The following SMC5 variants were observed in gnomAD, a reference collection of about 807,000 sequenced individuals.
The protein encoded by SMC5 is structural maintenance of chromosomes 5, also known as structural maintenance of chromosomes protein 5.
SMC5 carries 88 observed loss-of-function variants against 148.3 expected under a neutral mutation model. That is an observed-to-expected ratio of 0.59 (90% CI 0.50 to 0.71). The LOEUF (loss-of-function observed/expected upper bound fraction) is 0.71. Among genes scored for constraint, SMC5 ranks in the 30% least tolerant of loss-of-function variants. The pLI is 0.00. For synonymous variants in SMC5, 421 were observed against 432.8 expected (o/e 0.97, Z 0.34); for missense variants, 1,142 against 1,298.9 (o/e 0.88, Z 1.86).
At chr9:70,328,853 C>T (rs2036151800) in intron 17 of SMC5, among the ~76,000 whole-genome samples, 1 of 152,346 alleles carries the variant, frequency 6.6e-6, no homozygotes. Context: ...CAGGCATTTC[C>T]ATACATCCTT....
chr9:70,274,403 A>T (rs975620880), intron 3 of SMC5, among the ~76,000 whole-genome samples: 27 of 151,432 alleles, frequency 1.8e-4, no homozygotes, highest in African/African-American at 6.1e-4. Flanking sequence ...TTCTGTTGTT[A>T]GGTACTGACC....
chr9:70,349,667 A>G (rs2036756975), intron 22 of SMC5, among the ~76,000 whole-genome samples: 1 of 152,164 alleles, frequency 6.6e-6, no homozygotes, highest in Admixed American at 6.6e-5. Flanking sequence ...CAGTTACCAT[A>G]CACAACCACT....
At chr9:70,349,488 G>A (rs941262799) in intron 22 of SMC5, among the ~76,000 whole-genome samples, 5 of 152,160 alleles carry the variant, frequency 3.3e-5, no homozygotes, top group African/African-American at 1.2e-4. Flanking sequence ...AAACACTAAT[G>A]TACTCATTAC....
At chr9:70,286,544 T>C (rs1480445890) in intron 8 of SMC5, among the ~76,000 whole-genome samples, 4 of 152,142 alleles carry the variant, frequency 2.6e-5, no homozygotes, top group African/African-American at 9.7e-5. Flanking sequence ...TTTGGTTACC[T>C]TAACAGCAAA....
chr9:70,325,133 CAT>C (rs1043506976), intron 17 of SMC5, among the ~76,000 whole-genome samples: 6 of 152,276 alleles, frequency 3.9e-5, no homozygotes, highest in Admixed American at 2.0e-4. Context: ...GGCTCAAAGA[CAT>C]GTGTATTGCT....
chr9:70,322,571 C>T (rs2118639447), intron 15 of SMC5, among the ~76,000 whole-genome samples: 1 of 152,336 alleles, frequency 6.6e-6, no homozygotes, highest in African/African-American at 2.4e-5. Flanking sequence ...TGCGGTGGCT[C>T]ACGCCTGTAA....
rs188897923 is a variant in SMC5, at chr9:70,289,132, G to A, written c.1053+2861G>A. The stretch of plus-strand genomic sequence containing the variant: ...GGCTCACTGCAGCTTCTGCCTCCCC[G>A]GTTCAAGCGATTCTCCTGCCTGAGT... On this transcript the variant is annotated intron_variant, in intron 8 of 24. Coordinates refer to ENST00000361138, the MANE Select transcript of SMC5 (RefSeq NM_015110.4). Among the ~76,000 whole-genome samples the A allele has an allele frequency of 1.0e-3, 156 of 152,124 alleles. No homozygotes were observed. The East Asian group carries it at 0.026, about 26-fold the overall frequency.
At chr9:70,269,119 T>C (rs1564021308) in intron 3 of SMC5, among the ~76,000 whole-genome samples, 1 of 152,128 alleles carries the variant, frequency 6.6e-6, no homozygotes, top group East Asian at 1.9e-4. Context: ...AATTACTCAG[T>C]TTTTATTTAT....
At chr9:70,350,994 A>G (rs2036790812) in intron 24 of SMC5, among the ~76,000 whole-genome samples, 1 of 152,220 alleles carries the variant, frequency 6.6e-6, no homozygotes, top group African/African-American at 2.4e-5. Flanking sequence ...TGAGTAAATT[A>G]CAAAGCATAT....
At chr9:70,297,814 G>C (rs1459912691) in intron 8 of SMC5, 152 bp from the exon 9 acceptor site, 5 of 792,708 alleles carry the variant, frequency 6.3e-6, no homozygotes, top group Non-Finnish European at 1.0e-5. Context: ...TGGTAGAACT[G>C]GTAATGTGCT....
Position 70,259,045 on chromosome 9 carries a change from A to C in SMC5, c.-34A>C, listed in dbSNP as rs753875236. 6.4e-6 allele frequency: 10 copies of C among 1,571,700 alleles called. No homozygotes were observed. The highest frequency in any genetic ancestry group is 6.9e-6 in the Non-Finnish European group (8 of 1,157,896). ...GCGCCTGGGCTGCCGGACGGTGGGAACGGAAGTCGCTGTGGGACGCTGAGG... is the reference window on the plus strand; with the variant it reads ...GCGCCTGGGCTGCCGGACGGTGGGACCGGAAGTCGCTGTGGGACGCTGAGG... On this transcript the variant is annotated 5_prime_UTR_variant, in exon 1 of 25. Transcript: ENST00000361138.
At chr9:70,264,923 A>G (rs1311457936) in intron 2 of SMC5, among the ~76,000 whole-genome samples, 1 of 152,230 alleles carries the variant, frequency 6.6e-6, no homozygotes, top group African/African-American at 2.4e-5. Context: ...ACTCCTGTAG[A>G]GCATGTTACT....
chr9:70,323,067 C>T (rs1180308258), intron 15 of SMC5, among the ~76,000 whole-genome samples: 3 of 152,102 alleles, frequency 2.0e-5, no homozygotes, highest in Non-Finnish European at 2.9e-5. Flanking sequence ...CTTTTCTCTT[C>T]GAGGCAACAT....
At chr9:70,284,430 A>AT (rs1239580405) in intron 7 of SMC5, among the ~76,000 whole-genome samples, 1 of 152,210 alleles carries the variant, frequency 6.6e-6, no homozygotes, top group Non-Finnish European at 1.5e-5. Context: ...TATGAAACTA[A>AT]TAATTGGCAG....
chr9:70,296,644 A>G (rs2035209710), intron 8 of SMC5, among the ~76,000 whole-genome samples: 1 of 152,200 alleles, frequency 6.6e-6, no homozygotes, highest in Non-Finnish European at 1.5e-5. Flanking sequence ...TGAATGCATT[A>G]TAACTTTTAT....
chr9:70,342,812 C>A (rs1330345725), intron 17 of SMC5, among the ~76,000 whole-genome samples: 2 of 152,204 alleles, frequency 1.3e-5, no homozygotes, highest in African/African-American at 4.8e-5. Flanking sequence ...TACATCCTTA[C>A]AAATTCCTCT....
chr9:70,328,373 C>T (rs117627674), intron 17 of SMC5, among the ~76,000 whole-genome samples: 447 of 152,250 alleles, frequency 2.9e-3, no homozygotes, highest in Middle Eastern at 0.017. Flanking sequence ...ATAGTGGGGG[C>T]GCAGGCATTG....
At chr9:70,309,045 A>G (rs751025691) in intron 11 of SMC5, among the ~76,000 whole-genome samples, 1 of 152,180 alleles carries the variant, frequency 6.6e-6, no homozygotes, top group Non-Finnish European at 1.5e-5. Flanking sequence ...TAAAAAATGT[A>G]CATACTTTAA....
At chr9:70,332,671 A>G (rs1010490006) in intron 17 of SMC5, among the ~76,000 whole-genome samples, 1 of 152,220 alleles carries the variant, frequency 6.6e-6, no homozygotes, top group Admixed American at 6.5e-5. Context: ...TATCATGAAC[A>G]TAGACCCAAA....
Sources: allele counts gnomAD v4.1 joint callset (sites outside exome capture counted in the v4.1 genomes callset), GRCh38; gene constraint gnomAD v4.1.1; transcripts MANE v1.5; gene names NCBI Gene and HGNC (gene_info 2026-07-23, HGNC 2026-07-21).